The following RAD23B variants were observed in gnomAD, a reference collection of about 807,000 sequenced individuals.
RAD23B encodes RAD23 nucleotide excision repair protein B.
Under a neutral mutation model 49.1 loss-of-function variants are expected in RAD23B, and 5 were observed. The observed-to-expected ratio is 0.10, with a 90% confidence interval of 0.05 to 0.21. RAD23B has a LOEUF of 0.21. RAD23B is among the 10% of genes least tolerant of loss of function. The pLI is 1.00. For missense variants in RAD23B, 356 were observed against 486.7 expected (o/e 0.73, Z 2.53); for synonymous variants, 184 against 165.4 (o/e 1.11, Z -0.86).
rs771101823 is a variant in RAD23B, at chr9:107,322,096, A to G, written c.795A>G (p.Thr265=). The G allele has an allele frequency of 6.2e-7, 1 of 1,608,690 alleles. No individual in the cohort carries two copies. Among genetic ancestry groups the G allele is most frequent in the Non-Finnish European group, 8.5e-7 (1 of 1,177,464 alleles). The change falls in exon 7 of 10, where the codon ACA becomes ACG. Residue 265 remains threonine (T), a synonymous_variant. Transcript: ENST00000358015. ...CAGCTGCAGCAACTACGACAGCAAC[A>G]ACTACAACAACAAGTTCTGGAGGTA... ...VAAAAATTTA[T]TTTTSSGGHP...
intron 8 of RAD23B, among the ~76,000 whole-genome samples, chr9:107,324,518 T>C (rs1331204416): frequency 2.0e-5 from 3 of 152,190 alleles, no homozygotes; most frequent in Non-Finnish European, 2.9e-5. Context: ...CATGCAAGTA[T>C]TAAGAATAAG....
rs1163951309 is a variant in RAD23B, at chr9:107,283,616, T to C, written c.-14T>C. The C allele has an allele frequency of 6.8e-7, 1 of 1,472,370 alleles. No homozygotes were observed. Among genetic ancestry groups the C allele is most frequent in the South Asian group, 1.3e-5 (1 of 77,308 alleles). 91.2% of individuals were successfully genotyped at this position (1,472,370 alleles called of 1,614,324 possible). A position where few individuals can be genotyped will look rare whatever the true frequency, so the allele number is the denominator to read the frequency against. ...CCCGGCGCAGGCCCGGCAGCCGAGC[T>C]GCGCGGCGGCACCATGCAGGTCACC... is the stretch of plus-strand genomic sequence containing the variant. On this transcript the variant is annotated 5_prime_UTR_variant, in exon 1 of 10. Coordinates refer to ENST00000358015, the MANE Select transcript of RAD23B (RefSeq NM_002874.5).
chr9:107,294,791 C>T (rs1333818456), intron 1 of RAD23B, among the ~76,000 whole-genome samples: 2 of 152,096 alleles, frequency 1.3e-5, no homozygotes, highest in Admixed American at 6.5e-5. Context: ...ATGACATCTG[C>T]ATGGTTATTG....
intron 1 of RAD23B, among the ~76,000 whole-genome samples, chr9:107,289,148 C>T (rs1264485857): frequency 2.1e-5 from 3 of 143,506 alleles, no homozygotes; most frequent in Admixed American, 7.0e-5. Flanking sequence ...CTCTCCTTCC[C>T]TCCTTTCCTC....
Position 107,306,045 on chromosome 9 carries a change from T to TATATATA in RAD23B, c.229-334_229-333insATATATA, listed in dbSNP as rs1564245432. Among the ~76,000 whole-genome samples, 47 of 26,780 alleles carry TATATATA rather than the reference T, an allele frequency of 1.8e-3. 2 individuals carry two copies. The highest frequency in any genetic ancestry group is 3.1e-3 in the South Asian group (3 of 976). 17.6% of individuals were successfully genotyped at this position (26,780 alleles called of 152,430 possible). A position where few individuals can be genotyped will look rare whatever the true frequency, so the allele number is the denominator to read the frequency against. On this transcript the variant is annotated intron_variant, in intron 3 of 9. Transcript: ENST00000358015. ...AGTTTTTTTGGGAAAATGATACGGT[T>TATATATA]TATATCTATATATATATATATATAT...
chr9:107,315,175 T>G (rs1826965988), intron 5 of RAD23B, among the ~76,000 whole-genome samples: 1 of 152,192 alleles, frequency 6.6e-6, no homozygotes, highest in African/African-American at 2.4e-5. Context: ...CTGGGTCTAG[T>G]TTCGTTCTTC....
At chr9:107,314,646 C>G (rs998886292) in intron 5 of RAD23B, among the ~76,000 whole-genome samples, 8 of 152,132 alleles carry the variant, frequency 5.3e-5, no homozygotes, top group Non-Finnish European at 8.8e-5. Flanking sequence ...GTGCAGGTAT[C>G]TTTTTGATAT....
At chr9:107,325,630 A>G (rs996090035) in intron 9 of RAD23B, among the ~76,000 whole-genome samples, 2 of 152,200 alleles carry the variant, frequency 1.3e-5, no homozygotes, top group Non-Finnish European at 2.9e-5. Context: ...TTTATTCATT[A>G]AGTAGTTTGT....
intron 1 of RAD23B, among the ~76,000 whole-genome samples, chr9:107,290,934 C>T (rs1587846688): frequency 6.6e-6 from 1 of 152,216 alleles, no homozygotes; most frequent in African/African-American, 2.4e-5. Flanking sequence ...TTTAACCCTA[C>T]TGTGGCACAG....
intron 2 of RAD23B, among the ~76,000 whole-genome samples, chr9:107,301,429 A>T (rs11573664): frequency 6.6e-6 from 1 of 152,132 alleles, no homozygotes; most frequent in Admixed American, 6.5e-5. Context: ...GGCCTCTTTC[A>T]TATTTCCTTG....
Position 107,323,800 on chromosome 9 carries a change from T to C in RAD23B, c.818-90T>C, listed in dbSNP as rs56227125. ...CTGAGAACTCAAATCATTTTTTCTT[T>C]GATAGTGTTTGCTGTCTAAATGTAT... is the stretch of plus-strand genomic sequence containing the variant. On this transcript the variant is annotated intron_variant, in intron 7 of 9. Transcript: ENST00000358015. 3,491 of 1,179,384 alleles carry C rather than the reference T, an allele frequency of 3.0e-3. 47 individuals carry two copies. The African/African-American group carries it at 0.037, about 12-fold the overall frequency. 73.1% of individuals were successfully genotyped at this position (1,179,384 alleles called of 1,614,324 possible). A position where few individuals can be genotyped will look rare whatever the true frequency, so the allele number is the denominator to read the frequency against.
chr9:107,285,961 C>CA (rs1833266918), intron 1 of RAD23B, among the ~76,000 whole-genome samples: 1 of 152,058 alleles, frequency 6.6e-6, no homozygotes, highest in African/African-American at 2.4e-5. Flanking sequence ...AGAAAATAAA[C>CA]AATGAAAATT....
intron 9 of RAD23B, among the ~76,000 whole-genome samples, chr9:107,328,172 A>G (rs1000135528): frequency 6.6e-6 from 1 of 152,140 alleles, no homozygotes; most frequent in East Asian, 1.9e-4. Flanking sequence ...TAACAAACTG[A>G]TTTTTTAGTT....
intron 6 of RAD23B, 140 bp downstream of exon 6, chr9:107,319,019 G>T: frequency 2.6e-6 from 2 of 758,854 alleles, no homozygotes; most frequent in East Asian, 3.9e-5. Flanking sequence ...TAGTATGTTT[G>T]TATTTTGTGT....
rs570219701 is a variant in RAD23B at position 107,304,687 on chromosome 9, T to C, written c.229-1692T>C. Among the ~76,000 whole-genome samples the C allele has an allele frequency of 3.3e-5, 5 of 152,328 alleles. No homozygotes were observed. In the East Asian group the frequency reaches 9.6e-4, roughly 29 times the overall value. On this transcript the variant is annotated intron_variant, in intron 3 of 9. Transcript: ENST00000358015. Reference sequence around the variant, plus strand: ...AAGCCTTGTCTTCCACTAAAACAGCTACCTTTTGTCCTTGGGAAAGTTATG... The same window carrying C: ...AAGCCTTGTCTTCCACTAAAACAGCCACCTTTTGTCCTTGGGAAAGTTATG...
At position 107,318,348 on chromosome 9, in the gene RAD23B, ATC is replaced by A. The variant is rs1490045339; in HGVS notation, c.554-399_554-398del. 1.3e-5 allele frequency among the ~76,000 whole-genome samples: 2 copies of A among 151,952 alleles called. No individual in the cohort carries two copies. The highest frequency in any genetic ancestry group is 4.8e-5 in the African/African-American group (2 of 41,360). ...GCATCTTCAAAGGCAACAGCATAAC[ATC>A]TCTCATCCTGGTTTTGTCTCCTCCT... On this transcript the variant is annotated intron_variant, in intron 5 of 9. Transcript: ENST00000358015. The surrounding 1 kb of genome is among the most constrained non-coding windows in gnomAD (Gnocchi z 4.3).
At chr9:107,328,771 G>C (rs753469340) in intron 9 of RAD23B, among the ~76,000 whole-genome samples, 1 of 152,170 alleles carries the variant, frequency 6.6e-6, no homozygotes, top group Non-Finnish European at 1.5e-5. Context: ...TGGGACCTGT[G>C]ATCTAACTCA....
chr9:107,299,616 A>G (rs778326711), intron 1 of RAD23B, among the ~76,000 whole-genome samples: 2 of 152,156 alleles, frequency 1.3e-5, no homozygotes, highest in Non-Finnish European at 2.9e-5. Context: ...TTTTAAAAAT[A>G]CTGATGTCAA....
chr9:107,292,345 A>T (rs1833398433), intron 1 of RAD23B, among the ~76,000 whole-genome samples: 1 of 152,174 alleles, frequency 6.6e-6, no homozygotes, highest in African/African-American at 2.4e-5. Flanking sequence ...TGATTTCTAG[A>T]TGCGAAATTA....
Sources: gnomAD v4.1 joint callset for allele counts (sites outside exome capture counted in the v4.1 genomes callset) on GRCh38, gnomAD v4.1.1 for gene constraint, Gnocchi (gnomAD v3.1) non-coding constraint, MANE v1.5 for transcripts, NCBI Gene and HGNC (gene_info 2026-07-23, HGNC 2026-07-21) for gene names.